Variants in SLC13A1 observed in about 807,000 individuals in gnomAD.
SLC13A1 encodes the protein Na(+)/sulfate cotransporter.
Under a neutral mutation model 70.0 loss-of-function variants are expected in SLC13A1, and 65 were observed. The observed-to-expected ratio is 0.93, with a 90% CI of 0.76 to 1.14. SLC13A1 has a LOEUF of 1.14. Ranked by LOEUF, SLC13A1 falls within the 50% of genes most tolerant of loss-of-function variation. The pLI, the probability that SLC13A1 is intolerant of heterozygous loss-of-function variation, is 0.00. For missense variants in SLC13A1, 726 were observed against 717.8 expected, an observed-to-expected ratio of 1.01 and a Z score of -0.13; for synonymous variants, 275 against 250.5, an observed-to-expected ratio of 1.10 and a Z score of -0.92.
chr7:123,154,392 C>A (rs1489160780), intron 6 of SLC13A1, among the ~76,000 whole-genome samples: 1 of 152,078 alleles, frequency 6.6e-6, no homozygotes, highest in African/African-American at 2.4e-5. Flanking sequence ...GACATCATCA[C>A]AGTGGACCTG....
intron 6 of SLC13A1, among the ~76,000 whole-genome samples, chr7:123,166,744 G>A (rs1189089149): frequency 1.3e-5 from 2 of 152,114 alleles, no homozygotes; most frequent in Admixed American, 6.5e-5. Context: ...TGGCTGCATA[G>A]TATTCCATGG....
At position 123,184,508 on chromosome 7, in the gene SLC13A1, A is replaced by G. The variant is rs115802398; in HGVS notation, c.100-3407T>C. Among the ~76,000 whole-genome samples the G allele has an allele frequency of 2.0e-3, 310 of 152,046 alleles. 1 individual carries two copies. Among genetic ancestry groups the G allele is most frequent in the African/African-American group, 7.0e-3 (292 of 41,480 alleles). ...TTCCACATGACTGACATCACATGCTATTTGTCTTCCTGTCCCTGGCTTATT... is the reference window on the plus strand; with the variant it reads ...TTCCACATGACTGACATCACATGCTGTTTGTCTTCCTGTCCCTGGCTTATT... On this transcript the variant is annotated intron_variant, in intron 1 of 14. Coordinates refer to ENST00000194130, the MANE Select transcript of SLC13A1 (RefSeq NM_022444.4).
At chr7:123,130,609 G>A (rs918659297) in intron 8 of SLC13A1, among the ~76,000 whole-genome samples, 1 of 152,116 alleles carries the variant, frequency 6.6e-6, no homozygotes, top group African/African-American at 2.4e-5. Flanking sequence ...GGTAATGCAT[G>A]TGGGGCTTAA....
chr7:123,131,181 T>G (rs2116324123), intron 8 of SLC13A1, among the ~76,000 whole-genome samples: 1 of 152,318 alleles, frequency 6.6e-6, no homozygotes, highest in East Asian at 1.9e-4. Flanking sequence ...CAGTGCTACA[T>G]TTATGATCAA....
chr7:123,138,456 A>G (rs115872319), intron 7 of SLC13A1, among the ~76,000 whole-genome samples: 1,576 of 152,236 alleles, frequency 0.01, 28 homozygotes, highest in African/African-American at 0.036. Flanking sequence ...GCTGAATCAC[A>G]TGGTAGCTTT....
intron 6 of SLC13A1, among the ~76,000 whole-genome samples, chr7:123,157,066 G>A (rs1281538212): frequency 2.0e-5 from 3 of 151,978 alleles, no homozygotes; most frequent in African/African-American, 4.8e-5. Context: ...ACTCTGCAAC[G>A]TTTTCCTGTG....
At chr7:123,152,751 G>C (rs768258426) in intron 6 of SLC13A1, among the ~76,000 whole-genome samples, 1 of 151,870 alleles carries the variant, frequency 6.6e-6, no homozygotes, top group South Asian at 2.1e-4. Flanking sequence ...ATTTACAAAC[G>C]TCTCCCTTTC....
intron 7 of SLC13A1, among the ~76,000 whole-genome samples, chr7:123,144,423 A>C (rs1253423895): frequency 6.6e-6 from 1 of 152,210 alleles, no homozygotes; most frequent in Admixed American, 6.5e-5. Context: ...ATTTTATCAA[A>C]AATCCTGTGA....
intron 1 of SLC13A1, among the ~76,000 whole-genome samples, chr7:123,181,333 A>G (rs550841359): frequency 2.6e-5 from 4 of 152,230 alleles, no homozygotes; most frequent in African/African-American, 7.2e-5. Context: ...CATTACATTT[A>G]TTTCACATTT....
At chr7:123,129,047 A>C in intron 9 of SLC13A1, 101 bp from the exon 10 acceptor site, 1 of 801,494 alleles carries the variant, frequency 1.2e-6, no homozygotes, top group Non-Finnish European at 2.1e-6. Context: ...TAGAACACTA[A>C]ACACTGTAAG....
At chr7:123,167,396 C>T (rs1396207281) in intron 6 of SLC13A1, among the ~76,000 whole-genome samples, 1 of 152,076 alleles carries the variant, frequency 6.6e-6, no homozygotes, top group Non-Finnish European at 1.5e-5. Flanking sequence ...TAAAACTTAT[C>T]TTTGTATTCA....
rs764986687 is a variant in SLC13A1, at chr7:123,115,164, T to A, written c.*354A>T. The A allele has an allele frequency of 3.2e-5, 5 of 157,072 alleles. No homozygotes were observed. Among genetic ancestry groups the A allele is most frequent in the Middle Eastern group, 2.8e-3 (1 of 352 alleles). 9.7% of individuals were successfully genotyped at this position (157,072 alleles called of 1,614,324 possible). ...CATGGGAAATTTCTGAAATAATAAATTGCATTTAAAATGTTACATTGAACT... is the reference window on the plus strand; with the variant it reads ...CATGGGAAATTTCTGAAATAATAAAATGCATTTAAAATGTTACATTGAACT... On this transcript the variant is annotated 3_prime_UTR_variant, in exon 15 of 15. Coordinates refer to ENST00000194130, the MANE Select transcript of SLC13A1 (RefSeq NM_022444.4).
chr7:123,196,778 C>G (rs1208768451), intron 1 of SLC13A1, among the ~76,000 whole-genome samples: 2 of 152,052 alleles, frequency 1.3e-5, no homozygotes, highest in Non-Finnish European at 2.9e-5. Context: ...TTTTCATGAA[C>G]AGAAATGCCT....
At chr7:123,138,530 C>T (rs778073362) in intron 7 of SLC13A1, among the ~76,000 whole-genome samples, 3 of 152,132 alleles carry the variant, frequency 2.0e-5, no homozygotes, top group Non-Finnish European at 4.4e-5. Context: ...ATTTACATTC[C>T]TACCAACAGT....
At position 123,128,888 on chromosome 7, in the gene SLC13A1, G is replaced by A. The variant is rs752434859; in HGVS notation, c.1090C>T (p.Arg364Ter). 1.4e-5 allele frequency: 22 copies of A among 1,613,348 alleles called. No individual in the cohort carries two copies. Among genetic ancestry groups the A allele is most frequent in the Admixed American group, 5.0e-5 (3 of 59,900 alleles). ...FIIMALLWFS[R>*]DPGFVPGWSA... is the part of the protein sequence containing the mutation. ...CAACCAGGAACAAATCCGGGGTCTCGACTAAACCATAGCAGAGCCATTATA... is the reference window on the plus strand; with the variant it reads ...CAACCAGGAACAAATCCGGGGTCTCAACTAAACCATAGCAGAGCCATTATA... The change falls in exon 10 of 15, where the codon CGA becomes TGA. Residue 364 changes from arginine to a stop codon, truncating the protein, a stop_gained. Transcript: ENST00000194130. LOFTEE classifies it high-confidence loss of function.
intron 1 of SLC13A1, among the ~76,000 whole-genome samples, chr7:123,194,001 C>T (rs188666275): frequency 7.2e-4 from 109 of 152,200 alleles, no homozygotes; most frequent in South Asian, 5.0e-3. Context: ...CCTTCTGCCA[C>T]GCTAGATCAT....
At chr7:123,197,524 C>A (rs1028910381) in intron 1 of SLC13A1, among the ~76,000 whole-genome samples, 2 of 152,066 alleles carry the variant, frequency 1.3e-5, no homozygotes, top group Admixed American at 6.6e-5. Flanking sequence ...AATTTGCTTT[C>A]ATTGTAAGCA....
At chr7:123,172,739 A>G (rs1795315209) in intron 2 of SLC13A1, among the ~76,000 whole-genome samples, 1 of 152,198 alleles carries the variant, frequency 6.6e-6, no homozygotes, top group Non-Finnish European at 1.5e-5. Context: ...TTAAGCAACC[A>G]TTTGCAGCAG....
intron 8 of SLC13A1, among the ~76,000 whole-genome samples, chr7:123,132,146 TA>T (rs1793785841): frequency 1.3e-5 from 2 of 152,176 alleles, no homozygotes. Context: ...AGTGACATTT[TA>T]CACATTTGCT....
Sources: allele counts gnomAD v4.1 joint callset (sites outside exome capture counted in the v4.1 genomes callset), GRCh38; gene constraint gnomAD v4.1.1; transcripts MANE v1.5; gene names NCBI Gene and HGNC (gene_info 2026-07-23, HGNC 2026-07-21).